MYO10: variants seen among roughly 807,000 people sequenced by gnomAD.
The protein encoded by MYO10 is myosin X.
MYO10 carries 133 observed loss-of-function variants against 257.3 expected under a neutral mutation model. The ratio of observed to expected loss-of-function variants is 0.52; its 90% CI spans 0.45 to 0.60. The LOEUF (loss-of-function observed/expected upper bound fraction) is 0.60, where lower values mean the gene tolerates loss of function less well. Ranked by LOEUF, MYO10 falls within the 20% of genes least tolerant of loss-of-function variation. MYO10 has a pLI of 0.00. For missense variants in MYO10, 2,399 were observed against 2,635.7 expected (o/e 0.91, Z 1.97); for synonymous variants, 1,104 against 1,028.6 (o/e 1.07, Z -1.40).
In MYO10 at chr5:16,761,564, G is replaced by A. The variant is rs1740714596; in HGVS notation, c.1657-18C>T. Reference sequence around the variant, plus strand: ...TATTGCACCTAGTTTTAATAAATAAGAGAGGAGAAAACTGATTGAAAGAAT... The same window carrying A: ...TATTGCACCTAGTTTTAATAAATAAAAGAGGAGAAAACTGATTGAAAGAAT... On this transcript the variant is annotated intron_variant, in intron 16 of 40. Transcript: ENST00000513610. The A allele has an allele frequency of 1.9e-6, 3 of 1,581,624 alleles. No individual in the cohort carries two copies. Among genetic ancestry groups the A allele is most frequent in the Non-Finnish European group, 2.6e-6 (3 of 1,151,302 alleles).
At chr5:16,787,611 A>T (rs1741624972) in intron 4 of MYO10, among the ~76,000 whole-genome samples, 1 of 1,378 alleles carries the variant, frequency 7.3e-4, no homozygotes, top group African/African-American at 7.0e-3. Context: ...TTTTGCTTTA[A>T]AAAAAAAAAA....
chr5:16,828,009 G>T (rs1458530730), intron 2 of MYO10, among the ~76,000 whole-genome samples: 1 of 152,186 alleles, frequency 6.6e-6, no homozygotes, highest in Non-Finnish European at 1.5e-5. Flanking sequence ...AGGGCCACGT[G>T]TTCAGAGATG....
At chr5:16,904,013 G>C (rs1032592305) in intron 1 of MYO10, among the ~76,000 whole-genome samples, 1 of 152,188 alleles carries the variant, frequency 6.6e-6, no homozygotes, top group Non-Finnish European at 1.5e-5. Context: ...GAGTTGACTG[G>C]TGGCTGGTAG....
chr5:16,848,155 C>CTTTTTTTTTTTTCT (rs1554002458), intron 2 of MYO10, among the ~76,000 whole-genome samples: 43 of 113,568 alleles, frequency 3.8e-4, no homozygotes, highest in African/African-American at 1.5e-3. Context: ...CTACACATTT[C>CTTTTTTTTTTTTCT]TTTTTTTTTT....
At chr5:16,908,536 A>G (rs1745575456) in intron 1 of MYO10, among the ~76,000 whole-genome samples, 1 of 152,200 alleles carries the variant, frequency 6.6e-6, no homozygotes, top group Non-Finnish European at 1.5e-5. Context: ...GAAATAAAAT[A>G]AAATAAATTT....
intron 4 of MYO10, among the ~76,000 whole-genome samples, chr5:16,790,840 C>T (rs1410854322): frequency 6.6e-6 from 1 of 151,680 alleles, no homozygotes; most frequent in Non-Finnish European, 1.5e-5. Context: ...TACTAGAGAT[C>T]AACCAAAGTC....
chr5:16,731,404 T>C (rs1211781047), intron 19 of MYO10, among the ~76,000 whole-genome samples: 4 of 151,114 alleles, frequency 2.6e-5, no homozygotes, highest in Non-Finnish European at 5.9e-5. Context: ...AGTGCAGTCA[T>C]GAGATCTCGG....
At position 16,700,987 on chromosome 5, in the gene MYO10, G is replaced by A. The variant is rs1237845867; in HGVS notation, c.3408C>T (p.Phe1136=). ...GTYNSSGAYR[F]SSEGAQSSFE... ...CCGAGGACTGCGCCCCCTCAGAGCT[G>A]AACCGGTAGGCACCCGAGCTGTTGT... Residue 1136 remains phenylalanine (F), a synonymous_variant, in exon 25 of 41, where the codon TTC becomes TTT. Coordinates refer to ENST00000513610, the MANE Select transcript of MYO10 (RefSeq NM_012334.3). The A allele has an allele frequency of 6.4e-7, 1 of 1,559,118 alleles. No homozygotes were observed. Among genetic ancestry groups the A allele is most frequent in the East Asian group, 2.4e-5 (1 of 41,430 alleles).
intron 1 of MYO10, among the ~76,000 whole-genome samples, chr5:16,887,490 T>TTAG (rs1258205375): frequency 6.6e-6 from 1 of 152,052 alleles, no homozygotes; most frequent in Non-Finnish European, 1.5e-5. Flanking sequence ...GTCCTGAGTT[T>TTAG]TATTATTATT....
At chr5:16,728,660 C>A (rs1208233120) in intron 19 of MYO10, among the ~76,000 whole-genome samples, 1 of 152,174 alleles carries the variant, frequency 6.6e-6, no homozygotes, top group Non-Finnish European at 1.5e-5. Context: ...GTGGGCAAGA[C>A]AAGACTATTA....
intron 19 of MYO10, among the ~76,000 whole-genome samples, chr5:16,731,502 C>G (rs1174154231): frequency 3.3e-5 from 5 of 152,016 alleles, no homozygotes; most frequent in East Asian, 1.9e-4. Flanking sequence ...TGTGTGCCAC[C>G]ATGCCTGGCT....
chr5:16,902,218 T>C (rs916439616), intron 1 of MYO10: 2 of 673,274 alleles, frequency 3.0e-6, no homozygotes, highest in Admixed American at 2.4e-5. Context: ...GCTAATTTTT[T>C]TTTTTTTAAA....
At chr5:16,932,970 G>A (rs1487613731) in intron 1 of MYO10, among the ~76,000 whole-genome samples, 1 of 152,098 alleles carries the variant, frequency 6.6e-6, no homozygotes, top group African/African-American at 2.4e-5. Flanking sequence ...TGTTGCCCCG[G>A]CTGGTCTTGA....
At position 16,902,509 on chromosome 5, in the gene MYO10, C is replaced by T. The variant is rs1745409870; in HGVS notation, c.22-24802G>A. 3 of 1,568,900 alleles carry T rather than the reference C, an allele frequency of 1.9e-6. No homozygotes were observed. The African/African-American group carries it at 4.0e-5, about 21-fold the overall frequency. On this transcript the variant is annotated intron_variant, in intron 1 of 40. Coordinates refer to ENST00000513610, the MANE Select transcript of MYO10 (RefSeq NM_012334.3). ...ATGTCCCTGACTGCTGCGGCCTCCA[C>T]TATGTTTCGAATGACGAATTTCTTG... is the stretch of plus-strand genomic sequence containing the variant.
At chr5:16,849,672 T>A (rs1467006744) in intron 2 of MYO10, among the ~76,000 whole-genome samples, 1 of 152,148 alleles carries the variant, frequency 6.6e-6, no homozygotes, top group Non-Finnish European at 1.5e-5. Flanking sequence ...AACAACAAAT[T>A]TGGAGAAACA....
chr5:16,680,906 G>C (rs1311924041), intron 32 of MYO10, among the ~76,000 whole-genome samples: 3 of 152,178 alleles, frequency 2.0e-5, no homozygotes, highest in African/African-American at 7.2e-5. Context: ...GCTGAGGTGG[G>C]AGGATTGCTT....
chr5:16,881,441 C>T (rs254834), intron 1 of MYO10, among the ~76,000 whole-genome samples: 71,879 of 151,892 alleles, frequency 0.47, 17,679 homozygotes, highest in Admixed American at 0.54. Context: ...TCAGCTCCTG[C>T]AGTCCAAAGG....
chr5:16,731,185 C>A (rs1739568949), intron 19 of MYO10, among the ~76,000 whole-genome samples: 1 of 151,406 alleles, frequency 6.6e-6, no homozygotes, highest in South Asian at 2.1e-4. Context: ...GCTGGGATTA[C>A]AGGTGCCCGC....
At chr5:16,670,334 G>A (rs367967) in intron 39 of MYO10, among the ~76,000 whole-genome samples, 192 bp downstream of exon 39, 133,546 of 151,950 alleles carry the variant, frequency 0.88, 59,873 homozygotes, top group East Asian at 1. Flanking sequence ...TTACAGATGT[G>A]TTTACTACAC....
Sources: allele counts gnomAD v4.1 joint callset (sites outside exome capture counted in the v4.1 genomes callset), GRCh38; gene constraint gnomAD v4.1.1; transcripts MANE v1.5; gene names NCBI Gene and HGNC (gene_info 2026-07-23, HGNC 2026-07-21).